ZFYVE28: variants seen among roughly 807,000 people sequenced by gnomAD.
ZFYVE28 encodes lateral signaling target protein 2 homolog.
In ZFYVE28, 40 loss-of-function variants were observed where a neutral mutation model predicts 82.1. The observed-to-expected ratio is 0.49, with a 90% CI of 0.38 to 0.63. The LOEUF is 0.63. Ranked by LOEUF, ZFYVE28 falls within the 30% of genes least tolerant of loss-of-function variation. The probability of loss-of-function intolerance (pLI) is 0.00; values close to 1 mark genes in which losing one functional copy is unlikely to be tolerated. For missense variants in ZFYVE28, 1,321 were observed against 1,242.1 expected (o/e 1.06, Z -0.96); for synonymous variants, 612 against 546.1 (o/e 1.12, Z -1.68).
At chr4:2,279,248 T>A (rs1171779153) in intron 8 of ZFYVE28, among the ~76,000 whole-genome samples, 1 of 151,492 alleles carries the variant, frequency 6.6e-6, no homozygotes, top group Non-Finnish European at 1.5e-5. Flanking sequence ...CCTGGCCAAC[T>A]TGGTGAAACC....
rs74968167 is a variant in ZFYVE28 at position 2,303,259 on chromosome 4, C to T, written c.2051+1030G>A. 5.1e-4 allele frequency among the ~76,000 whole-genome samples: 77 copies of T among 152,310 alleles called. 2 individuals carry two copies. The South Asian group carries it at 0.011, about 21-fold the overall frequency. ...CAGCGAGCTCACGACCTGGGAGGAC[C>T]GAGCACGGGAAGAAGGAGGCGTCTG... On this transcript the variant is annotated intron_variant, in intron 8 of 12. Transcript: ENST00000290974.
intron 7 of ZFYVE28, among the ~76,000 whole-genome samples, chr4:2,312,857 C>T (rs1011897758): frequency 1.3e-5 from 2 of 151,498 alleles, no homozygotes; most frequent in African/African-American, 2.4e-5. Flanking sequence ...CCAGCCTGGC[C>T]AACATGGTGA....
At chr4:2,403,319 G>A (rs1731399135) in intron 1 of ZFYVE28, among the ~76,000 whole-genome samples, 1 of 152,262 alleles carries the variant, frequency 6.6e-6, no homozygotes, top group Admixed American at 6.5e-5. Context: ...TGCCACTCAA[G>A]TGGGGGCGTG....
At chr4:2,343,132 C>G (rs920729191) in intron 2 of ZFYVE28, 1 of 152,200 alleles carries the variant, frequency 6.6e-6, no homozygotes, top group Admixed American at 6.5e-5. Flanking sequence ...TCCACCTCCA[C>G]GCAATGCTGC....
chr4:2,374,573 C>T (rs1016128900), intron 1 of ZFYVE28, among the ~76,000 whole-genome samples: 1 of 152,140 alleles, frequency 6.6e-6, no homozygotes, highest in Non-Finnish European at 1.5e-5. Flanking sequence ...GAGACTGCGC[C>T]ACTGCACTCC....
At chr4:2,306,297 C>A (rs1716557599) in intron 7 of ZFYVE28, among the ~76,000 whole-genome samples, 2 of 152,266 alleles carry the variant, frequency 1.3e-5, no homozygotes, top group African/African-American at 4.8e-5. Flanking sequence ...CTGAGTCCCA[C>A]ATGGGACATT....
chr4:2,284,895 T>C (rs575575888), intron 8 of ZFYVE28, among the ~76,000 whole-genome samples: 28 of 152,272 alleles, frequency 1.8e-4, no homozygotes, highest in Admixed American at 5.9e-4. Flanking sequence ...ACGGCAAGGA[T>C]TTAGCAGGGA....
In ZFYVE28 at chr4:2,320,259, G is replaced by C; in HGVS notation, c.714C>G (p.Val238=). 1 of 1,613,874 alleles carries C rather than the reference G, an allele frequency of 6.2e-7. No individual in the cohort carries two copies. Among genetic ancestry groups the C allele is most frequent in the Non-Finnish European group, 8.5e-7 (1 of 1,179,952 alleles). Residue 238 remains valine, a synonymous_variant, in exon 7 of 13, where the codon GTC becomes GTG. Transcript: ENST00000290974. The surrounding 1 kb of genome is among the most constrained non-coding windows in gnomAD (Gnocchi z 5.1). ...CCAAGTTCAGAGGTCCGTCCGCATA[G>C]ACCACGAGGCCACTGCATTTGAGAC... ...PRLAIVCGLV[V]YADGPLNLDR...
In ZFYVE28 at chr4:2,418,268, C is replaced by G. The variant is rs371533868; in HGVS notation, c.39+17G>C. On this transcript the variant is annotated intron_variant, in intron 1 of 12. Transcript: ENST00000290974. The surrounding 1 kb of genome is among the most constrained non-coding windows in gnomAD (Gnocchi z 4.6). The stretch of plus-strand genomic sequence containing the variant: ...GCCGCGACGCGGGGGGCGTCCGGCC[C>G]GAGCGGGGCCGCTCACCTTGGGTTT... 4 of 1,534,374 alleles carry G rather than the reference C, an allele frequency of 2.6e-6. No individual in the cohort carries two copies. The East Asian group carries it at 7.8e-5, about 30-fold the overall frequency.
intron 6 of ZFYVE28, among the ~76,000 whole-genome samples, chr4:2,326,947 T>C (rs2108843026): frequency 6.6e-6 from 1 of 152,026 alleles, no homozygotes; most frequent in East Asian, 1.9e-4. Context: ...TGTAGGGTTT[T>C]CCACAGATAA....
At chr4:2,346,971 A>C (rs1723694162) in intron 2 of ZFYVE28, among the ~76,000 whole-genome samples, 1 of 152,214 alleles carries the variant, frequency 6.6e-6, no homozygotes, top group Admixed American at 6.5e-5. Context: ...TAAAAACCCC[A>C]AATAAAAGAC....
At chr4:2,364,949 G>A (rs943176351) in intron 1 of ZFYVE28, 23 of 974,028 alleles carry the variant, frequency 2.4e-5, no homozygotes, top group Non-Finnish European at 2.4e-5. Context: ...GGGCGGCGCA[G>A]CCTCAGCCAC....
chr4:2,415,956 T>C (rs1022087048), intron 1 of ZFYVE28, among the ~76,000 whole-genome samples: 4 of 152,266 alleles, frequency 2.6e-5, no homozygotes, highest in Middle Eastern at 3.4e-3. Context: ...TGGAGATACG[T>C]CTCAAGTCCA....
intron 6 of ZFYVE28, chr4:2,330,196 T>C (rs1210923086): frequency 2.4e-6 from 2 of 838,910 alleles, no homozygotes; most frequent in East Asian, 2.4e-4. Flanking sequence ...AAATTTGTGG[T>C]GATGGCTGCA....
chr4:2,398,248 C>T (rs919687274), intron 1 of ZFYVE28, among the ~76,000 whole-genome samples: 3 of 152,078 alleles, frequency 2.0e-5, no homozygotes, highest in South Asian at 2.1e-4. Context: ...GGCACCGACA[C>T]GGGAGGCCAT....
chr4:2,360,389 TCA>T (rs10545681), intron 1 of ZFYVE28, among the ~76,000 whole-genome samples: 10,262 of 143,190 alleles, frequency 0.072, 619 homozygotes, highest in African/African-American at 0.17. Flanking sequence ...AGAGCTGTAA[TCA>T]CACACACACA....
intron 1 of ZFYVE28, among the ~76,000 whole-genome samples, chr4:2,367,740 G>C (rs1727037881): frequency 6.6e-6 from 1 of 152,204 alleles, no homozygotes; most frequent in African/African-American, 2.4e-5. Context: ...GGGGGGCCAT[G>C]GGTATCCCAC....
chr4:2,327,164 C>T (rs1013572768), intron 6 of ZFYVE28, among the ~76,000 whole-genome samples: 4 of 150,490 alleles, frequency 2.7e-5, no homozygotes, highest in Admixed American at 6.6e-5. Context: ...GCAGGAGAAT[C>T]GCTTGAACCC....
At chr4:2,291,320 C>G (rs1409597619) in intron 8 of ZFYVE28, among the ~76,000 whole-genome samples, 1 of 152,210 alleles carries the variant, frequency 6.6e-6, no homozygotes, top group Non-Finnish European at 1.5e-5. Context: ...TTTCCTGGTC[C>G]CATGGGGTGG....
Sources: gnomAD v4.1 joint callset for allele counts (sites outside exome capture counted in the v4.1 genomes callset) on GRCh38, gnomAD v4.1.1 for gene constraint, Gnocchi (gnomAD v3.1) non-coding constraint, MANE v1.5 for transcripts, NCBI Gene and HGNC (gene_info 2026-07-23, HGNC 2026-07-21) for gene names.